The following SUGP2 variants were observed in gnomAD, a reference collection of about 807,000 sequenced individuals.
The protein encoded by SUGP2 is SURP and G-patch domain-containing protein 2.
SUGP2 carries 24 observed loss-of-function variants against 90.5 expected under a neutral mutation model. The observed-to-expected ratio is 0.27, with a 90% CI of 0.19 to 0.37. The LOEUF is 0.37. SUGP2 is among the 10% of genes least tolerant of loss of function. The pLI is 1.00. For synonymous variants in SUGP2, 473 were observed against 513.4 expected (o/e 0.92, Z 1.06); for missense variants, 1,233 against 1,363.3 (o/e 0.90, Z 1.51).
chr19:19,019,825 T>A (rs2058641880), intron 3 of SUGP2, among the ~76,000 whole-genome samples: 1 of 147,734 alleles, frequency 6.8e-6, no homozygotes, highest in Admixed American at 6.7e-5. Flanking sequence ...CACAAAAAAT[T>A]TTCTCCAATT....
intron 2 of SUGP2, among the ~76,000 whole-genome samples, chr19:19,026,483 C>A (rs565827179): frequency 2.0e-5 from 3 of 152,174 alleles, no homozygotes; most frequent in Non-Finnish European, 4.4e-5. Context: ...TGACGTCAAC[C>A]CAGGCTGGGC....
chr19:19,012,249 C>T (rs1478294299), intron 4 of SUGP2, among the ~76,000 whole-genome samples: 1 of 152,206 alleles, frequency 6.6e-6, no homozygotes, highest in Non-Finnish European at 1.5e-5. Context: ...AGCAATAGCG[C>T]TCAATTAAGA....
chr19:19,010,024 T>C lies in SUGP2; in HGVS notation c.2169A>G (p.Ala723=). The change falls in exon 5 of 11, where the codon GCA becomes GCG. Residue 723 remains alanine (A), a synonymous_variant. Transcript: ENST00000452918. ...CATTTCTGTCTGGCAGGGATGGTTT[T>C]GCCTGTGAGAGGCCTGGAGCCTGCC... ...HGRQAPGLSQ[A]KPSLPDRNDA... 1.9e-6 allele frequency: 3 copies of C among 1,614,068 alleles called. No individual in the cohort carries two copies. The South Asian group carries it at 3.3e-5, about 18-fold the overall frequency.
chr19:19,009,452 G>C (rs1350858619), intron 5 of SUGP2, among the ~76,000 whole-genome samples: 1 of 152,164 alleles, frequency 6.6e-6, no homozygotes, highest in African/African-American at 2.4e-5. Context: ...CCAAGAACAG[G>C]AACTGTGGAG....
In SUGP2 at chr19:19,031,094, G is replaced by C. The variant is rs1175180794; in HGVS notation, c.-11-12C>G. ...CATGTTATTTTGCCCTATGGTGAGA[G>C]AGAAAAAAATACACTAAGAGCAACA... On this transcript the variant is annotated splice_polypyrimidine_tract_variant and intron_variant, in intron 1 of 10. Coordinates refer to ENST00000452918, the MANE Select transcript of SUGP2 (RefSeq NM_001017392.5). The C allele has an allele frequency of 3.1e-6, 5 of 1,604,240 alleles. No individual in the cohort carries two copies. The Admixed American group carries it at 5.3e-5, about 17-fold the overall frequency.
chr19:19,017,143 C>A (rs955025460), intron 4 of SUGP2, among the ~76,000 whole-genome samples: 31 of 152,176 alleles, frequency 2.0e-4, no homozygotes, highest in Admixed American at 1.3e-4. Flanking sequence ...TGTGATAGCA[C>A]CCCTGCATTG....
intron 1 of SUGP2, chr19:19,033,174 GGAAT>G: frequency 4.8e-6 from 1 of 209,724 alleles, no homozygotes; most frequent in Non-Finnish European, 8.8e-6. Context: ...GAGTTCGGGA[GGAAT>G]GAATGAACGA....
chr19:19,019,524 C>T (rs1223797926), intron 3 of SUGP2, among the ~76,000 whole-genome samples: 1 of 151,808 alleles, frequency 6.6e-6, no homozygotes, highest in African/African-American at 2.4e-5. Context: ...AATTTGATAT[C>T]ATTTTTCACA....
At chr19:19,017,378 G>A (rs117986951) in intron 4 of SUGP2, among the ~76,000 whole-genome samples, 4,226 of 152,298 alleles carry the variant, frequency 0.028, 86 homozygotes, top group Non-Finnish European at 0.042. Flanking sequence ...TGAGACAGAA[G>A]GTCCTACTAA....
intron 3 of SUGP2, among the ~76,000 whole-genome samples, chr19:19,022,185 C>T (rs933376492): frequency 3.3e-5 from 5 of 152,088 alleles, no homozygotes; most frequent in African/African-American, 7.2e-5. Flanking sequence ...GGGGTTTCAC[C>T]GTGTTAGCCA....
In SUGP2 at chr19:18,994,440, G is replaced by T. The variant is rs1243235796; in HGVS notation, c.3175C>A (p.His1059Asn). ...AACACATCGAATGTGTCTTCTTTGT[G>T]CTCCTGCCCGTCAGCACCCAACCCT... Reference protein sequence around the residue: ...GEGLGADGQEHKEDTFDVFRQ... With the variant: ...GEGLGADGQENKEDTFDVFRQ... Residue 1059 changes from histidine (H) to asparagine (N), a missense_variant, in exon 10 of 11, where the codon CAC (histidine) becomes AAC (asparagine). This residue lies in a region of SUGP2 where 53 missense variants were observed against 55.3 expected (regional missense o/e 0.96). Transcript: ENST00000452918. 15 of 1,614,036 alleles carry T rather than the reference G, an allele frequency of 9.3e-6. No homozygotes were observed. In the East Asian group the frequency reaches 3.3e-4, roughly 36 times the overall value.
intron 8 of SUGP2, among the ~76,000 whole-genome samples, chr19:18,996,431 T>C (rs1471287944): frequency 6.6e-6 from 1 of 150,660 alleles, no homozygotes; most frequent in Admixed American, 6.6e-5. Flanking sequence ...GTGTGTTTTT[T>C]TTAAATATAG....
At chr19:19,029,720 AC>A (rs1370908192) in intron 2 of SUGP2, among the ~76,000 whole-genome samples, 1 of 151,096 alleles carries the variant, frequency 6.6e-6, no homozygotes, top group Non-Finnish European at 1.5e-5. Context: ...CGGGCAGATC[AC>A]AAGGTCAGGA....
intron 10 of SUGP2, 195 bp downstream of exon 10, chr19:18,994,171 A>G (rs1469232771): frequency 9.5e-6 from 7 of 737,730 alleles, no homozygotes; most frequent in African/African-American, 1.8e-5. Context: ...TTGCTCCTTC[A>G]GCAAACCTGG....
chr19:19,001,608 C>T lies in SUGP2; in HGVS notation c.2991+5G>A. 6.2e-7 allele frequency: 1 copy of T among 1,614,166 alleles called. No homozygotes were observed. The highest frequency in any genetic ancestry group is 8.5e-7 in the Non-Finnish European group (1 of 1,179,996). ...TGAGTGAGGACTACCAATGATTACG[C>T]TCACCTTCTTTTTGGACATGGGACG... On this transcript the variant is annotated splice_donor_5th_base_variant and intron_variant, in intron 8 of 10. Coordinates refer to ENST00000452918, the MANE Select transcript of SUGP2 (RefSeq NM_001017392.5).
intron 4 of SUGP2, among the ~76,000 whole-genome samples, chr19:19,018,686 C>CAAAAA (rs55923416): frequency 5.5e-4 from 47 of 85,808 alleles, no homozygotes; most frequent in Middle Eastern, 6.7e-3. Flanking sequence ...GGCTCCGTCT[C>CAAAAA]AAAAAAAAAA....
chr19:19,021,684 T>C (rs1056282149), intron 3 of SUGP2, among the ~76,000 whole-genome samples: 3 of 151,912 alleles, frequency 2.0e-5, no homozygotes, highest in African/African-American at 2.4e-5. Context: ...TTTTTTTTTT[T>C]CTAGATGGAC....
intron 8 of SUGP2, among the ~76,000 whole-genome samples, chr19:18,995,641 C>A (rs1051978692): frequency 5.3e-5 from 8 of 152,136 alleles, no homozygotes; most frequent in African/African-American, 1.9e-4. Flanking sequence ...GACCACAGGG[C>A]GCAGCCCAGG....
In SUGP2 at chr19:18,995,213, T is replaced by C. The variant is rs756627744; in HGVS notation, c.3059A>G (p.Gln1020Arg). The C allele has an allele frequency of 1.2e-6, 2 of 1,612,990 alleles. No individual in the cohort carries two copies. The highest frequency in any genetic ancestry group is 8.5e-7 in the Non-Finnish European group (1 of 1,179,940). ...TDKNLGFQMLQKMGWKEGHGL... is the reference protein window; with the variant it reads ...TDKNLGFQMLRKMGWKEGHGL... ...ATGGCCCTCCTTCCAGCCCATCTTC[T>C]GCAGCATCTGGAAGCCCAGGTTCTT... The change falls in exon 9 of 11, where the codon CAG (glutamine) becomes CGG (arginine). Residue 1020 changes from glutamine to arginine, a missense_variant. Physicochemically the swap from Gln to Arg is conservative, Grantham distance 43. Transcript: ENST00000452918.
Sources: allele counts gnomAD v4.1 joint callset (sites outside exome capture counted in the v4.1 genomes callset), GRCh38; gene constraint gnomAD v4.1.1; regional missense constraint gnomAD v4.1.1; transcripts MANE v1.5; gene names NCBI Gene and HGNC (gene_info 2026-07-23, HGNC 2026-07-21).